The following PASD1 variants were observed in gnomAD, a reference collection of about 807,000 sequenced individuals.
The protein encoded by PASD1 is circadian clock protein PASD1.
A neutral mutation model predicts 58.8 loss-of-function variants in PASD1; 13 were observed. That is an observed-to-expected ratio of 0.22 (90% CI 0.14 to 0.35). PASD1 has a LOEUF of 0.35. PASD1 is among the 10% of genes least tolerant of loss of function. The probability of loss-of-function intolerance (pLI) is 1.00; values close to 1 mark genes in which losing one functional copy is unlikely to be tolerated. For missense variants in PASD1, 734 were observed against 568.3 expected, an observed-to-expected ratio of 1.29 and a Z score of -2.96; for synonymous variants, 236 against 216.7, an observed-to-expected ratio of 1.09 and a Z score of -0.78.
Position 151,620,912 on chromosome X carries a change from C to G in PASD1, c.208-18C>G, listed in dbSNP as rs983148299. On this transcript the variant is annotated intron_variant, in intron 4 of 15. Transcript: ENST00000370357. ...CCCCTCCTTTTTCCCTCCACCTCCT[C>G]CTCTCCTCTCCTGCCAGGCTGAGAT... The G allele has an allele frequency of 1.7e-6, 2 of 1,162,646 alleles. No individual in the cohort carries two copies. Among genetic ancestry groups the G allele is most frequent in the South Asian group, 1.9e-5 (1 of 53,425 alleles).
intron 15 of PASD1, among the ~76,000 whole-genome samples, chrX:151,674,942 C>A (rs1429462566): frequency 2.7e-5 from 3 of 111,685 alleles, no homozygotes; most frequent in African/African-American, 9.8e-5. Flanking sequence ...TTCACATATA[C>A]CCCTTGACTA....
Position 151,622,964 on chromosome X carries a change from T to C in PASD1, c.446T>C (p.Phe149Ser), listed in dbSNP as rs1179783657. The C allele has an allele frequency of 8.3e-7, 1 of 1,207,092 alleles. No individual in the cohort carries two copies. The highest frequency in any genetic ancestry group is 1.1e-6 in the Non-Finnish European group (1 of 892,904). The part of the protein sequence containing the change: ...NEFPVVFSGL[F>S]SSHLCADFAA... ...TTTCCTGTGGTCTTTAGTGGCTTGTTTTCCAGCCACCTCTGTGCTGACTTT... is the reference window on the plus strand; with the variant it reads ...TTTCCTGTGGTCTTTAGTGGCTTGTCTTCCAGCCACCTCTGTGCTGACTTT... Residue 149 changes from phenylalanine (F) to serine (S), a missense_variant, in exon 7 of 16, where the codon TTT (phenylalanine) becomes TCT (serine). Physicochemically the swap from Phe to Ser is radical, Grantham distance 155. Transcript: ENST00000370357.
chrX:151,624,895 G>A (rs970969097), intron 7 of PASD1, among the ~76,000 whole-genome samples: 1 of 111,876 alleles, frequency 8.9e-6, no homozygotes, highest in East Asian at 2.8e-4. Context: ...TCATTATTCC[G>A]TCTTTGTAGC....
In PASD1 at chrX:151,674,191, G is replaced by A. The variant is rs2014515379; in HGVS notation, c.2175+5G>A. ...GGCCAACCCACCTACCATCAGGTAT[G>A]GGACAGCCCCCTCCTTTTCCTTCCA... On this transcript the variant is annotated splice_donor_5th_base_variant and intron_variant, in intron 15 of 15. Transcript: ENST00000370357. The A allele has an allele frequency of 5.0e-6, 6 of 1,210,869 alleles. No individual in the cohort carries two copies. The East Asian group carries it at 1.8e-4, about 36-fold the overall frequency.
At chrX:151,564,712 A>G (rs2012804376) in intron 1 of PASD1, among the ~76,000 whole-genome samples, 1 of 69,804 alleles carries the variant, frequency 1.4e-5, no homozygotes, top group South Asian at 5.2e-4. Context: ...GTTCTCTACA[A>G]AAATTAAAAA....
At chrX:151,606,142 C>T (rs1486709767) in intron 3 of PASD1, among the ~76,000 whole-genome samples, 1 of 109,808 alleles carries the variant, frequency 9.1e-6, no homozygotes, top group East Asian at 2.8e-4. Flanking sequence ...ACTTTTTTCC[C>T]CTCCATTAGG....
rs768952871 is a variant in PASD1 at position 151,665,304 on chromosome X, G to A, written c.1071+956G>A. 3.4e-3 allele frequency among the ~76,000 whole-genome samples: 379 copies of A among 112,389 alleles called. 3 individuals carry two copies. The highest frequency in any genetic ancestry group is 9.3e-3 in the Middle Eastern group (2 of 216). On this transcript the variant is annotated intron_variant, in intron 11 of 15. Transcript: ENST00000370357. ...ATTTATGTCCTTATCATGCCAAAAAGTTGTGGTCCCCCTTTCACTGTTGAC... is the reference window on the plus strand; with the variant it reads ...ATTTATGTCCTTATCATGCCAAAAAATTGTGGTCCCCCTTTCACTGTTGAC...
intron 4 of PASD1, among the ~76,000 whole-genome samples, chrX:151,616,669 C>A (rs1426644954): frequency 9.0e-6 from 1 of 111,295 alleles, no homozygotes; most frequent in African/African-American, 3.3e-5. Context: ...TTTTGCAGTT[C>A]TAAAGCAAAT....
At chrX:151,638,970 C>G (rs1383008745) in intron 8 of PASD1, among the ~76,000 whole-genome samples, 2 of 111,831 alleles carry the variant, frequency 1.8e-5, no homozygotes, top group African/African-American at 6.5e-5. Flanking sequence ...CAAAAACTTT[C>G]GGTGCTTTCT....
chrX:151,641,841 C>A (rs759981972), intron 8 of PASD1, among the ~76,000 whole-genome samples: 1 of 110,062 alleles, frequency 9.1e-6, no homozygotes, highest in Non-Finnish European at 1.9e-5. Context: ...CACACACACA[C>A]GCGCGCGCGC....
At chrX:151,661,893 T>C (rs1239916703) in intron 10 of PASD1, among the ~76,000 whole-genome samples, 1 of 112,590 alleles carries the variant, frequency 8.9e-6, no homozygotes, top group South Asian at 3.7e-4. Context: ...ATACCACAGA[T>C]GTGATGTGCC....
intron 8 of PASD1, among the ~76,000 whole-genome samples, chrX:151,637,640 T>C (rs926396893): frequency 3.6e-5 from 4 of 111,785 alleles, no homozygotes; most frequent in Non-Finnish European, 7.5e-5. Flanking sequence ...ATACTGAGAT[T>C]ACAGGTGTGA....
chrX:151,674,528 T>C (rs1160548420), intron 15 of PASD1, among the ~76,000 whole-genome samples: 1 of 112,893 alleles, frequency 8.9e-6, no homozygotes, highest in Non-Finnish European at 1.9e-5. Flanking sequence ...TATGGATCTT[T>C]AGTTCTGCTA....
chrX:151,578,288 C>A (rs1031954110), intron 1 of PASD1: 1 of 112,219 alleles, frequency 8.9e-6, no homozygotes, highest in African/African-American at 3.2e-5. Flanking sequence ...CTGTTAACAT[C>A]TTTTGGTATT....
At chrX:151,596,926 T>G (rs1448965693) in intron 1 of PASD1, among the ~76,000 whole-genome samples, 1 of 112,456 alleles carries the variant, frequency 8.9e-6, no homozygotes, top group African/African-American at 3.2e-5. Flanking sequence ...TGTGTTTTTC[T>G]GAATCTACTG....
In PASD1 at chrX:151,636,127, C is replaced by T. The variant is rs766202482; in HGVS notation, c.629+10597C>T. Among the ~76,000 whole-genome samples, 17 of 111,094 alleles carry T rather than the reference C, an allele frequency of 1.5e-4. No individual in the cohort carries two copies. In the East Asian group the frequency reaches 4.3e-3, roughly 28 times the overall value. ...AACTGCTATTTTGAATTTTTTCACT[C>T]TAGATTAATTTTGCCTTTACTAGAA... On this transcript the variant is annotated intron_variant, in intron 8 of 15. Transcript: ENST00000370357.
At chrX:151,642,348 A>G (rs1374466673) in intron 8 of PASD1, among the ~76,000 whole-genome samples, 1 of 109,726 alleles carries the variant, frequency 9.1e-6, no homozygotes, top group Non-Finnish European at 1.9e-5. Flanking sequence ...CATAGTTTGG[A>G]TCCCTTATCT....
intron 1 of PASD1, among the ~76,000 whole-genome samples, chrX:151,593,610 T>C (rs1335847367): frequency 9.0e-6 from 1 of 111,681 alleles, no homozygotes; most frequent in Admixed American, 9.5e-5. Flanking sequence ...TTCCATGGCG[T>C]ATATGTGCCA....
chrX:151,653,059 G>A (rs2014152838), intron 9 of PASD1, among the ~76,000 whole-genome samples: 1 of 110,357 alleles, frequency 9.1e-6, no homozygotes, highest in Admixed American at 9.7e-5. Context: ...GGAAGTTAAG[G>A]AGTCCAGTTA....
Sources: gnomAD v4.1 joint callset for allele counts (sites outside exome capture counted in the v4.1 genomes callset) on GRCh38, gnomAD v4.1.1 for gene constraint, MANE v1.5 for transcripts, NCBI Gene and HGNC (gene_info 2026-07-23, HGNC 2026-07-21) for gene names.